RABEP1: variants seen among roughly 807,000 people sequenced by gnomAD.
RABEP1 encodes the protein rab GTPase-binding effector protein 1.
Under a neutral mutation model 123.4 loss-of-function variants are expected in RABEP1, and 51 were observed. That is an observed-to-expected ratio of 0.41 (90% CI 0.33 to 0.52). The LOEUF is 0.52. Ranked by LOEUF, RABEP1 falls within the 20% of genes least tolerant of loss-of-function variation. The probability of loss-of-function intolerance (pLI) is 0.16; values close to 1 mark genes in which losing one functional copy is unlikely to be tolerated. For synonymous variants in RABEP1, 347 were observed against 355.2 expected, an observed-to-expected ratio of 0.98 and a Z score of 0.26; for missense variants, 888 against 996.3, an observed-to-expected ratio of 0.89 and a Z score of 1.46.
intron 3 of RABEP1, 69 bp downstream of exon 3, chr17:5,332,221 C>T: frequency 7.2e-7 from 1 of 1,394,328 alleles, no homozygotes; most frequent in Non-Finnish European, 9.9e-7. Flanking sequence ...AGAATATTTT[C>T]AGAGAATCTT....
intron 3 of RABEP1, 74 bp from the exon 4 acceptor site, chr17:5,335,108 CTT>C (rs1906938223): frequency 7.7e-7 from 1 of 1,303,536 alleles, no homozygotes. Context: ...TTTTATATAA[CTT>C]TAAAAAATTT....
intron 2 of RABEP1, among the ~76,000 whole-genome samples, chr17:5,309,505 T>G (rs945971194): frequency 3.3e-5 from 5 of 151,856 alleles, no homozygotes; most frequent in African/African-American, 2.4e-5. Flanking sequence ...AATACAAAAT[T>G]AGCTGGGCAT....
chr17:5,361,260 T>G lies in RABEP1; in HGVS notation c.1148T>G (p.Leu383Arg). The part of the protein sequence containing the change: ...GSVHSLDAGL[L>R]LPSGDPFSKS... ...GTTCATTCCTTAGATGCAGGCTTGC[T>G]GTTGCCATCTGGAGATCCTTTCAGT... Residue 383 changes from leucine (L) to arginine (R), a missense_variant, in exon 9 of 18, where the codon CTG becomes CGG. Coordinates refer to ENST00000537505, the MANE Select transcript of RABEP1 (RefSeq NM_004703.6). 6.2e-7 allele frequency: 1 copy of G among 1,614,228 alleles called. No homozygotes were observed. The highest frequency in any genetic ancestry group is 8.5e-7 in the Non-Finnish European group (1 of 1,180,044).
intron 9 of RABEP1, 143 bp downstream of exon 9, chr17:5,361,818 C>A: frequency 1.5e-6 from 1 of 675,230 alleles, no homozygotes. Flanking sequence ...CGTGTGTCAC[C>A]TGACCCTTGT....
At chr17:5,290,278 C>T (rs1039676954) in intron 1 of RABEP1, among the ~76,000 whole-genome samples, 11 of 152,068 alleles carry the variant, frequency 7.2e-5, no homozygotes, top group African/African-American at 2.4e-4. Flanking sequence ...TTAGTAGAGA[C>T]GGGGTTTCAC....
chr17:5,314,294 G>A (rs1205927051), intron 2 of RABEP1, among the ~76,000 whole-genome samples: 1 of 125,424 alleles, frequency 8.0e-6, no homozygotes, highest in Non-Finnish European at 1.6e-5. Context: ...CCAGGCTGGA[G>A]TGCAGTGGCA....
intron 5 of RABEP1, among the ~76,000 whole-genome samples, chr17:5,340,764 T>C (rs1383501198): frequency 1.3e-5 from 2 of 150,724 alleles, no homozygotes; most frequent in Non-Finnish European, 3.0e-5. Context: ...CTGGCCAACG[T>C]AGTGAAACCC....
chr17:5,358,528 T>G (rs1241657626), intron 8 of RABEP1, among the ~76,000 whole-genome samples: 1 of 151,990 alleles, frequency 6.6e-6, no homozygotes, highest in Non-Finnish European at 1.5e-5. Flanking sequence ...AAATTAGTCG[T>G]GCATGGTGTC....
At chr17:5,314,391 T>C (rs1043891126) in intron 2 of RABEP1, among the ~76,000 whole-genome samples, 4 of 145,744 alleles carry the variant, frequency 2.7e-5, no homozygotes, top group South Asian at 2.2e-4. Context: ...TACAGGCGGG[T>C]GCCACCACGC....
At chr17:5,378,471 T>C in intron 15 of RABEP1, 2 of 594,556 alleles carry the variant, frequency 3.4e-6, no homozygotes, top group Middle Eastern at 2.8e-4. Flanking sequence ...TGGCCTGGAG[T>C]TTCCAGTGTA....
intron 10 of RABEP1, among the ~76,000 whole-genome samples, 196 bp downstream of exon 10, chr17:5,363,212 T>TG (rs1909713212): frequency 6.6e-6 from 1 of 151,544 alleles, no homozygotes. Flanking sequence ...CTTTTTTTTT[T>TG]TTTGTTTTTG....
chr17:5,346,354 G>T (rs1908060010), intron 5 of RABEP1, among the ~76,000 whole-genome samples: 1 of 152,112 alleles, frequency 6.6e-6, no homozygotes. Context: ...AAAGCATTTG[G>T]AATTCCCTCA....
intron 8 of RABEP1, chr17:5,360,960 C>T (rs572517179): frequency 4.9e-6 from 2 of 412,236 alleles, no homozygotes; most frequent in Middle Eastern, 7.2e-4. Flanking sequence ...GCTTACTTAT[C>T]TTTTTTTTTT....
At chr17:5,363,858 G>A (rs1909782791) in intron 10 of RABEP1, among the ~76,000 whole-genome samples, 1 of 148,652 alleles carries the variant, frequency 6.7e-6, no homozygotes, top group Non-Finnish European at 1.5e-5. Context: ...ACTTTTTCAA[G>A]TGCAGTGTTT....
chr17:5,367,319 T>C (rs1218296905), intron 11 of RABEP1, among the ~76,000 whole-genome samples: 1 of 151,794 alleles, frequency 6.6e-6, no homozygotes, highest in Non-Finnish European at 1.5e-5. Context: ...TCGCCCAGGC[T>C]AGAGTGCAGT....
At chr17:5,365,053 G>A in intron 10 of RABEP1, 69 bp from the exon 11 acceptor site, 2 of 893,130 alleles carry the variant, frequency 2.2e-6, no homozygotes, top group Non-Finnish European at 3.3e-6. Flanking sequence ...AAATTCTGGA[G>A]TTAGATTTAA....
At chr17:5,380,325 G>T in intron 15 of RABEP1, 39 bp from the exon 16 acceptor site, 1 of 1,414,884 alleles carries the variant, frequency 7.1e-7, no homozygotes, top group South Asian at 1.3e-5. Context: ...GGGGCCCAGA[G>T]GGAGTTTCTG....
intron 1 of RABEP1, among the ~76,000 whole-genome samples, chr17:5,302,314 C>T (rs1173738369): frequency 7.1e-6 from 1 of 139,874 alleles, no homozygotes; most frequent in Non-Finnish European, 1.5e-5. Flanking sequence ...GATCTCAGCT[C>T]ACTGCAGCCT....
At chr17:5,293,435 T>C (rs2075051563) in intron 1 of RABEP1, among the ~76,000 whole-genome samples, 1 of 152,116 alleles carries the variant, frequency 6.6e-6, no homozygotes, top group African/African-American at 2.4e-5. Flanking sequence ...GCTTTTGGGG[T>C]AATTTATTTT....
Sources: allele counts gnomAD v4.1 joint callset (sites outside exome capture counted in the v4.1 genomes callset), GRCh38; gene constraint gnomAD v4.1.1; transcripts MANE v1.5; gene names NCBI Gene and HGNC (gene_info 2026-07-23, HGNC 2026-07-21).